KCNH7: variants seen among roughly 807,000 people sequenced by gnomAD.
The protein encoded by KCNH7 is voltage-gated inwardly rectifying potassium channel KCNH7.
A neutral mutation model predicts 120.8 loss-of-function variants in KCNH7; 49 were observed. The ratio of observed to expected loss-of-function variants is 0.41; its 90% CI spans 0.32 to 0.51. The LOEUF is 0.51. KCNH7 is among the 20% of genes least tolerant of loss of function. The probability of loss-of-function intolerance (pLI) is 0.38; values close to 1 mark genes in which losing one functional copy is unlikely to be tolerated. For missense variants in KCNH7, 1,097 were observed against 1,446.6 expected, an observed-to-expected ratio of 0.76 and a Z score of 3.92; for synonymous variants, 547 against 516.1, an observed-to-expected ratio of 1.06 and a Z score of -0.81.
rs17784744 is a variant in KCNH7, at chr2:162,440,331, C to T, written c.1555-4734G>A. Among the ~76,000 whole-genome samples, 1,181 of 152,054 alleles carry T rather than the reference C, an allele frequency of 7.8e-3. 10 individuals are homozygous for T. Among genetic ancestry groups the T allele is most frequent in the Non-Finnish European group, 0.013 (890 of 67,872 alleles). On this transcript the variant is annotated intron_variant, in intron 7 of 15. Coordinates refer to ENST00000332142, the MANE Select transcript of KCNH7 (RefSeq NM_033272.4). ...CTGAAACTTTCTACTTAATCCATCACTTGTCCTTTTTGTCAATAAATATTT... is the reference window on the plus strand; with the variant it reads ...CTGAAACTTTCTACTTAATCCATCATTTGTCCTTTTTGTCAATAAATATTT...
At chr2:162,816,927 G>A (rs762084752) in intron 2 of KCNH7, among the ~76,000 whole-genome samples, 9 of 151,956 alleles carry the variant, frequency 5.9e-5, no homozygotes, top group Non-Finnish European at 1.0e-4. Context: ...TTAAATACAA[G>A]CCAATTTTCC....
At chr2:162,619,035 A>G (rs1683246106) in intron 2 of KCNH7, among the ~76,000 whole-genome samples, 1 of 152,140 alleles carries the variant, frequency 6.6e-6, no homozygotes, top group African/African-American at 2.4e-5. Context: ...TGGTGCCCTG[A>G]AGAAAATTAT....
intron 2 of KCNH7, among the ~76,000 whole-genome samples, chr2:162,603,667 G>T (rs996501760): frequency 1.3e-5 from 2 of 151,884 alleles, no homozygotes; most frequent in African/African-American, 2.4e-5. Flanking sequence ...GGACATAAAA[G>T]GAAAAGAAAC....
At chr2:162,509,878 T>C (rs1331764576) in intron 5 of KCNH7, among the ~76,000 whole-genome samples, 1 of 151,514 alleles carries the variant, frequency 6.6e-6, no homozygotes, top group East Asian at 2.0e-4. Context: ...AACACACCAA[T>C]GTCAGAGGGA....
At chr2:162,717,460 C>A (rs1177181316) in intron 2 of KCNH7, among the ~76,000 whole-genome samples, 2 of 152,108 alleles carry the variant, frequency 1.3e-5, no homozygotes, top group Non-Finnish European at 2.9e-5. Context: ...CTCTTATCAC[C>A]AGCCTCCTGC....
chr2:162,456,039 T>A (rs1417737702), intron 6 of KCNH7, among the ~76,000 whole-genome samples: 1 of 152,164 alleles, frequency 6.6e-6, no homozygotes, highest in African/African-American at 2.4e-5. Context: ...AGGGTGTTGA[T>A]TTGAGATCTT....
chr2:162,739,019 T>A (rs1688020738), intron 2 of KCNH7, among the ~76,000 whole-genome samples: 1 of 152,146 alleles, frequency 6.6e-6, no homozygotes, highest in South Asian at 2.1e-4. Flanking sequence ...AGTGTGCTAA[T>A]CACAACCTGT....
chr2:162,611,779 CT>C (rs1408203345), intron 2 of KCNH7, among the ~76,000 whole-genome samples: 1 of 152,146 alleles, frequency 6.6e-6, no homozygotes, highest in Non-Finnish European at 1.5e-5. Flanking sequence ...ATTTTCTCCC[CT>C]GAGACACCAG....
chr2:162,542,300 G>A (rs139229051), intron 2 of KCNH7, among the ~76,000 whole-genome samples: 2,208 of 150,256 alleles, frequency 0.015, 58 homozygotes, highest in African/African-American at 0.052. Context: ...TGCACAATGT[G>A]CAGGTTAGTT....
intron 2 of KCNH7, among the ~76,000 whole-genome samples, chr2:162,730,592 T>C (rs1337217554): frequency 6.6e-6 from 1 of 151,982 alleles, no homozygotes; most frequent in African/African-American, 2.4e-5. Context: ...GGTTAAAAAC[T>C]GTTCCTTTCC....
intron 2 of KCNH7, among the ~76,000 whole-genome samples, chr2:162,768,241 A>G (rs1682898886): frequency 6.6e-6 from 1 of 152,214 alleles, no homozygotes; most frequent in South Asian, 2.1e-4. Flanking sequence ...AAAGGACATA[A>G]AAAAGTAAGT....
chr2:162,396,634 A>G (rs556316838), intron 11 of KCNH7, 106 bp downstream of exon 11: 5 of 761,744 alleles, frequency 6.6e-6, no homozygotes, highest in South Asian at 3.9e-5. Context: ...CAGAATTGGT[A>G]AAGTCTTGCT....
At chr2:162,724,841 T>A (rs1039444564) in intron 2 of KCNH7, among the ~76,000 whole-genome samples, 6 of 152,304 alleles carry the variant, frequency 3.9e-5, no homozygotes, top group African/African-American at 1.4e-4. Context: ...AAAGGACTAC[T>A]GTATAGTCAA....
chr2:162,803,731 T>C (rs990600718), intron 2 of KCNH7, among the ~76,000 whole-genome samples: 9 of 151,726 alleles, frequency 5.9e-5, no homozygotes, highest in African/African-American at 2.2e-4. Context: ...TAATTCGCAG[T>C]ACAATATTTA....
At position 162,801,859 on chromosome 2, in the gene KCNH7, A is replaced by G. The variant is rs991733191; in HGVS notation, c.307+34678T>C. Reference sequence around the variant, plus strand: ...AAGAGGGAGCCATGCTTGTGCTTCAATGAGTTCCTTACAGCCTCAGTACAT... The same window carrying G: ...AAGAGGGAGCCATGCTTGTGCTTCAGTGAGTTCCTTACAGCCTCAGTACAT... On this transcript the variant is annotated intron_variant, in intron 2 of 15. Coordinates refer to ENST00000332142, the MANE Select transcript of KCNH7 (RefSeq NM_033272.4). 3.3e-5 allele frequency among the ~76,000 whole-genome samples: 5 copies of G among 151,886 alleles called. No individual in the cohort carries two copies. In the South Asian group the frequency reaches 6.2e-4, roughly 19 times the overall value.
intron 3 of KCNH7, among the ~76,000 whole-genome samples, chr2:162,530,454 G>GC (rs1691876148): frequency 1.3e-5 from 2 of 150,576 alleles, no homozygotes; most frequent in Admixed American, 6.7e-5. Flanking sequence ...AGACACGCTA[G>GC]TGTGCGCGAG....
intron 2 of KCNH7, among the ~76,000 whole-genome samples, chr2:162,760,947 T>C (rs1056216636): frequency 6.6e-6 from 1 of 152,156 alleles, no homozygotes; most frequent in Non-Finnish European, 1.5e-5. Context: ...GAATAGCAAC[T>C]AATTACAATT....
chr2:162,593,094 A>G (rs1246213663), intron 2 of KCNH7, among the ~76,000 whole-genome samples: 1 of 152,106 alleles, frequency 6.6e-6, no homozygotes, highest in East Asian at 1.9e-4. Context: ...GAGCCACACA[A>G]GGTCTCTATC....
intron 2 of KCNH7, among the ~76,000 whole-genome samples, chr2:162,627,400 G>A (rs1427258123): frequency 6.6e-6 from 1 of 152,112 alleles, no homozygotes; most frequent in East Asian, 1.9e-4. Context: ...CATGGACACT[G>A]AAGCAAAATT....
Sources: allele counts gnomAD v4.1 joint callset (sites outside exome capture counted in the v4.1 genomes callset), GRCh38; gene constraint gnomAD v4.1.1; transcripts MANE v1.5; gene names NCBI Gene and HGNC (gene_info 2026-07-23, HGNC 2026-07-21).